Variants in FAM185A observed in about 807,000 individuals in gnomAD.
The protein encoded by FAM185A is family with sequence similarity 185 member A.
FAM185A carries 21 observed loss-of-function variants against 45.7 expected under a neutral mutation model. That is an observed-to-expected ratio of 0.46 (90% CI 0.33 to 0.66). FAM185A has a LOEUF of 0.66. Ranked by LOEUF, FAM185A falls within the 30% of genes least tolerant of loss-of-function variation. The pLI is 0.03. For missense variants in FAM185A, 305 were observed against 485.4 expected, an observed-to-expected ratio of 0.63 and a Z score of 3.49; for synonymous variants, 117 against 194.0, an observed-to-expected ratio of 0.60 and a Z score of 3.30.
intron 6 of FAM185A, among the ~76,000 whole-genome samples, chr7:102,780,811 G>T (rs1049214079): frequency 6.6e-6 from 1 of 152,194 alleles, no homozygotes; most frequent in African/African-American, 2.4e-5. Flanking sequence ...CAGAAAGTGG[G>T]TGCAGGACAG....
chr7:102,773,537 T>C (rs1214463747), intron 5 of FAM185A, among the ~76,000 whole-genome samples: 1 of 152,132 alleles, frequency 6.6e-6, no homozygotes, highest in Non-Finnish European at 1.5e-5. Context: ...AGTCATTTTA[T>C]GGATGTATAT....
At chr7:102,812,355 A>G (rs577913053), downstream of FAM185A, among the ~76,000 whole-genome samples, 31 of 152,332 alleles carry the variant, frequency 2.0e-4, no homozygotes, top group East Asian at 7.7e-4. Context: ...TTGGCATAGC[A>G]TAGTTTAAGA....
intron 2 of FAM185A, among the ~76,000 whole-genome samples, chr7:102,754,326 G>C (rs1319787556): frequency 6.6e-6 from 1 of 151,988 alleles, no homozygotes; most frequent in Non-Finnish European, 1.5e-5. Flanking sequence ...TCAGCCTCCC[G>C]AGTAGCTGGG....
intron 7 of FAM185A, among the ~76,000 whole-genome samples, chr7:102,798,086 C>T (rs1258046432): frequency 6.6e-6 from 1 of 152,162 alleles, no homozygotes; most frequent in Non-Finnish European, 1.5e-5. Flanking sequence ...GAGCAAATTA[C>T]AGAGTTAAAC....
At chr7:102,850,541 C>T in the FAM185A span, among the ~76,000 whole-genome samples, 1 of 152,094 alleles carries the variant, frequency 6.6e-6, no homozygotes, top group Non-Finnish European at 1.5e-5. Context: ...CTTTTGAAAG[C>T]CTGACTATAT....
intron 5 of FAM185A, among the ~76,000 whole-genome samples, chr7:102,774,762 CTTG>C (rs1417705229): frequency 1.3e-5 from 2 of 151,872 alleles, no homozygotes; most frequent in Non-Finnish European, 2.9e-5. Context: ...ACATTATTTA[CTTG>C]TTTATTATTT....
Position 102,809,003 on chromosome 7 carries a change from T to C in FAM185A, c.*601T>C, listed in dbSNP as rs189310010. 7.2e-5 allele frequency: 11 copies of C among 152,576 alleles called. No homozygotes were observed. The highest frequency in any genetic ancestry group is 2.6e-4 in the African/African-American group (11 of 41,572). 9.5% of individuals were successfully genotyped at this position (152,576 alleles called of 1,614,324 possible). A position where few individuals can be genotyped will look rare whatever the true frequency, so the allele number is the denominator to read the frequency against. ...AGGTCAGGCCCACCCAGGATAACCTTTGTTTTGCCATATAATGTAACATTC... is the reference window on the plus strand; with the variant it reads ...AGGTCAGGCCCACCCAGGATAACCTCTGTTTTGCCATATAATGTAACATTC... On this transcript the variant is annotated 3_prime_UTR_variant, in exon 8 of 8. Transcript: ENST00000413034.
intron 1 of FAM185A, among the ~76,000 whole-genome samples, chr7:102,750,628 T>C (rs1169541588): frequency 3.9e-5 from 6 of 152,222 alleles, no homozygotes; most frequent in African/African-American, 1.4e-4. Context: ...ATCATTGATA[T>C]GTATACAGGA....
the FAM185A span, among the ~76,000 whole-genome samples, chr7:102,826,252 G>A: frequency 6.6e-6 from 1 of 152,050 alleles, no homozygotes; most frequent in African/African-American, 2.4e-5. Flanking sequence ...AGCAAGAAAG[G>A]GGCTGAATAG....
the FAM185A span, chr7:102,832,725 A>G: frequency 7.9e-7 from 1 of 1,257,888 alleles, no homozygotes; most frequent in Non-Finnish European, 1.0e-6. Flanking sequence ...AATCCAATGA[A>G]TACCTCAACC....
intron 6 of FAM185A, among the ~76,000 whole-genome samples, chr7:102,779,371 G>A (rs1259817920): frequency 6.6e-6 from 1 of 151,914 alleles, no homozygotes; most frequent in Non-Finnish European, 1.5e-5. Flanking sequence ...GAGGGAGATG[G>A]GGTAGAAATC....
intron 1 of FAM185A, among the ~76,000 whole-genome samples, chr7:102,750,243 AC>A (rs1350344213): frequency 6.6e-6 from 1 of 152,218 alleles, no homozygotes; most frequent in Non-Finnish European, 1.5e-5. Flanking sequence ...CCTGCAAGAT[AC>A]CTTTCTTAGC....
intron 7 of FAM185A, among the ~76,000 whole-genome samples, chr7:102,793,146 C>T (rs1796235120): frequency 6.6e-6 from 1 of 152,170 alleles, no homozygotes; most frequent in Non-Finnish European, 1.5e-5. Context: ...CTTAAAAATA[C>T]TTTGACAGGG....
At chr7:102,775,010 G>GTTTTTT (rs200919500) in intron 5 of FAM185A, among the ~76,000 whole-genome samples, 2 of 79,998 alleles carry the variant, frequency 2.5e-5, no homozygotes, top group African/African-American at 3.3e-5. Context: ...TTTTGTTTTT[G>GTTTTTT]TTTTTTTTTT....
chr7:102,831,509 C>A, the FAM185A span, among the ~76,000 whole-genome samples: 1 of 151,922 alleles, frequency 6.6e-6, no homozygotes. Context: ...AAATAAATCT[C>A]CAGGCTTCTG....
chr7:102,794,323 G>A (rs865838832), intron 7 of FAM185A, among the ~76,000 whole-genome samples: 5 of 152,034 alleles, frequency 3.3e-5, no homozygotes, highest in Non-Finnish European at 7.4e-5. Flanking sequence ...AACATGATTC[G>A]TGCACACAAA....
intron 5 of FAM185A, among the ~76,000 whole-genome samples, chr7:102,775,344 G>A (rs2129437356): frequency 6.6e-6 from 1 of 152,270 alleles, no homozygotes; most frequent in South Asian, 2.1e-4. Context: ...TTCTGTGGAT[G>A]AAGCCTTAAT....
At chr7:102,780,192 A>AT (rs1442849512) in intron 6 of FAM185A, among the ~76,000 whole-genome samples, 4 of 152,158 alleles carry the variant, frequency 2.6e-5, no homozygotes, top group Non-Finnish European at 4.4e-5. Flanking sequence ...ACCACGACCC[A>AT]TAAGTAAATG....
At chr7:102,808,011 A>C (rs1052867068) in intron 7 of FAM185A, among the ~76,000 whole-genome samples, 3 of 152,228 alleles carry the variant, frequency 2.0e-5, no homozygotes, top group Non-Finnish European at 4.4e-5. Context: ...CAGTGAGCCG[A>C]GATCGTGCCA....
Sources: gnomAD v4.1 joint callset for allele counts (sites outside exome capture counted in the v4.1 genomes callset) on GRCh38, gnomAD v4.1.1 for gene constraint, MANE v1.5 for transcripts, NCBI Gene and HGNC (gene_info 2026-07-23, HGNC 2026-07-21) for gene names.